The following CEP112 variants were observed in gnomAD, a reference collection of about 807,000 sequenced individuals.
CEP112 encodes the protein centrosomal protein of 112 kDa.
CEP112 carries 127 observed loss-of-function variants against 153.0 expected under a neutral mutation model. The ratio of observed to expected loss-of-function variants is 0.83; its 90% CI spans 0.72 to 0.96. The LOEUF (loss-of-function observed/expected upper bound fraction) is 0.96, where lower values mean the gene tolerates loss of function less well. CEP112 is among the 40% of genes least tolerant of loss of function. The probability of loss-of-function intolerance (pLI) is 0.00; values close to 1 mark genes in which losing one functional copy is unlikely to be tolerated. For missense variants in CEP112, 1,089 were observed against 1,101.2 expected (o/e 0.99, Z 0.16); for synonymous variants, 358 against 374.4 (o/e 0.96, Z 0.51).
chr17:66,024,656 C>T, intron 16 of CEP112, among the ~76,000 whole-genome samples: 1 of 151,958 alleles, frequency 6.6e-6, no homozygotes, highest in Non-Finnish European at 1.5e-5. Context: ...ATGACACAAA[C>T]AAATGGAAAA....
Position 65,699,997 on chromosome 17 carries a change from G to A in CEP112, c.2608-10779C>T, listed in dbSNP as rs575113655. 8.5e-5 allele frequency among the ~76,000 whole-genome samples: 13 copies of A among 152,052 alleles called. No individual in the cohort carries two copies. The East Asian group carries it at 1.2e-3, about 14-fold the overall frequency. On this transcript the variant is annotated intron_variant, in intron 23 of 26. Coordinates refer to ENST00000535342, the MANE Select transcript of CEP112 (RefSeq NM_001199165.4). ...TTCTCCTGGACCTCTCTGTTGCACCGGGCACTATTAGAACACTCTACTTCC... is the reference window on the plus strand; with the variant it reads ...TTCTCCTGGACCTCTCTGTTGCACCAGGCACTATTAGAACACTCTACTTCC...
chr17:66,055,876 T>A (rs1288365301), intron 11 of CEP112, among the ~76,000 whole-genome samples: 1 of 152,156 alleles, frequency 6.6e-6, no homozygotes, highest in Non-Finnish European at 1.5e-5. Flanking sequence ...TAACCAGAGG[T>A]GATTAAAATG....
intron 2 of CEP112, among the ~76,000 whole-genome samples, chr17:66,178,092 C>T (rs949560658): frequency 6.6e-6 from 1 of 152,174 alleles, no homozygotes; most frequent in South Asian, 2.1e-4. Flanking sequence ...AGTGGGATTG[C>T]TGGATCACAT....
chr17:65,665,214 G>A (rs1313949111), intron 24 of CEP112, among the ~76,000 whole-genome samples: 2 of 152,120 alleles, frequency 1.3e-5, no homozygotes, highest in African/African-American at 2.4e-5. Flanking sequence ...CCACTTTGCT[G>A]TGTCACTGGC....
At chr17:66,048,167 G>A (rs915381680) in intron 12 of CEP112, among the ~76,000 whole-genome samples, 3 of 151,812 alleles carry the variant, frequency 2.0e-5, no homozygotes, top group Admixed American at 6.6e-5. Context: ...GGAACCGATA[G>A]ATCCAGACAG....
chr17:65,756,793 G>A (rs146198719), intron 21 of CEP112, among the ~76,000 whole-genome samples: 19 of 152,264 alleles, frequency 1.2e-4, no homozygotes, highest in African/African-American at 4.3e-4. Context: ...AGGCTGATAG[G>A]AAAGATCTAG....
At chr17:65,955,137 G>GT (rs1013975928) in intron 18 of CEP112, among the ~76,000 whole-genome samples, 119 of 152,264 alleles carry the variant, frequency 7.8e-4, no homozygotes, top group African/African-American at 2.7e-3. Context: ...GCCTAGAAAG[G>GT]TAAACCTATC....
intron 20 of CEP112, among the ~76,000 whole-genome samples, chr17:65,886,463 A>G (rs141052853): frequency 4.9e-4 from 75 of 152,358 alleles, no homozygotes; most frequent in African/African-American, 1.8e-3. Flanking sequence ...CATAGCAGGC[A>G]TATTTTTATA....
chr17:65,818,001 G>A (rs2056358333), intron 21 of CEP112, among the ~76,000 whole-genome samples: 1 of 151,636 alleles, frequency 6.6e-6, no homozygotes, highest in Admixed American at 6.6e-5. Flanking sequence ...CATCCATTAG[G>A]TCCTGATCAA....
chr17:65,752,111 A>AT (rs753374404), intron 21 of CEP112, among the ~76,000 whole-genome samples: 20 of 150,780 alleles, frequency 1.3e-4, no homozygotes, highest in East Asian at 9.8e-4. Flanking sequence ...ATATATTTTA[A>AT]TTTTTTTCTG....
intron 6 of CEP112, among the ~76,000 whole-genome samples, chr17:66,120,483 G>A (rs974890488): frequency 2.6e-5 from 4 of 152,056 alleles, no homozygotes; most frequent in Non-Finnish European, 5.9e-5. Flanking sequence ...TTATAGGTGT[G>A]AGCCACTGCG....
At chr17:66,030,371 G>A (rs527805158) in intron 12 of CEP112, among the ~76,000 whole-genome samples, 39 of 152,178 alleles carry the variant, frequency 2.6e-4, no homozygotes, top group African/African-American at 7.9e-4. Flanking sequence ...TTATACGTAC[G>A]GCCATTAGCT....
chr17:66,143,055 A>C (rs905437374), intron 4 of CEP112, among the ~76,000 whole-genome samples: 7 of 152,030 alleles, frequency 4.6e-5, no homozygotes, highest in African/African-American at 1.4e-4. Flanking sequence ...GATCTTTTCC[A>C]CCTTTGGTTA....
chr17:65,931,401 C>T (rs551490149), intron 18 of CEP112, among the ~76,000 whole-genome samples: 63 of 152,322 alleles, frequency 4.1e-4, no homozygotes, highest in Non-Finnish European at 7.5e-4. Flanking sequence ...ACCATAGTGC[C>T]ACACAGAGAG....
chr17:65,919,346 C>G (rs1217114434), intron 19 of CEP112, among the ~76,000 whole-genome samples: 1 of 152,186 alleles, frequency 6.6e-6, no homozygotes, highest in Non-Finnish European at 1.5e-5. Flanking sequence ...CACACTCCCC[C>G]GGGGATCACC....
chr17:65,696,326 G>C lies in CEP112; in HGVS notation c.2608-7108C>G, dbSNP rs183772844. Among the ~76,000 whole-genome samples the C allele has an allele frequency of 3.3e-3, 508 of 152,234 alleles. 2 individuals carry two copies. Among genetic ancestry groups the C allele is most frequent in the African/African-American group, 0.012 (489 of 41,530 alleles). ...TTTTCTGGGCCTGCCCTGCATGATGGGGCAGAGTGTAAATGGATCTTGTCC... is the reference window on the plus strand; with the variant it reads ...TTTTCTGGGCCTGCCCTGCATGATGCGGCAGAGTGTAAATGGATCTTGTCC... On this transcript the variant is annotated intron_variant, in intron 23 of 26. Transcript: ENST00000535342.
At chr17:66,151,091 T>A (rs1201217138) in intron 4 of CEP112, among the ~76,000 whole-genome samples, 2 of 151,618 alleles carry the variant, frequency 1.3e-5, no homozygotes, top group Non-Finnish European at 2.9e-5. Flanking sequence ...ATTTAAAGTA[T>A]GTCTCTTATA....
At chr17:65,818,572 A>G (rs924572293) in intron 21 of CEP112, among the ~76,000 whole-genome samples, 17 of 151,820 alleles carry the variant, frequency 1.1e-4, no homozygotes, top group African/African-American at 3.9e-4. Flanking sequence ...GCAAGTCTCA[A>G]TTTTGTGATA....
chr17:65,969,718 CAT>C (rs1177867098), intron 17 of CEP112, among the ~76,000 whole-genome samples: 2 of 152,182 alleles, frequency 1.3e-5, no homozygotes, highest in South Asian at 2.1e-4. Flanking sequence ...AGGAATATCA[CAT>C]AAATGTGTAT....
Sources: gnomAD v4.1 joint callset for allele counts (sites outside exome capture counted in the v4.1 genomes callset) on GRCh38, gnomAD v4.1.1 for gene constraint, MANE v1.5 for transcripts, NCBI Gene and HGNC (gene_info 2026-07-23, HGNC 2026-07-21) for gene names.